Variants in CCDC88C observed in about 807,000 individuals in gnomAD.
CCDC88C encodes the protein coiled-coil and HOOK domain protein 88C, also known as protein Daple.
A neutral mutation model predicts 198.8 loss-of-function variants in CCDC88C; 131 were observed. The ratio of observed to expected loss-of-function variants is 0.66; its 90% confidence interval spans 0.57 to 0.76. The LOEUF (loss-of-function observed/expected upper bound fraction) is 0.76. CCDC88C is among the 30% of genes least tolerant of loss of function. CCDC88C has a pLI of 0.00. For missense variants in CCDC88C, 2,553 were observed against 2,631.6 expected, an observed-to-expected ratio of 0.97 and a Z score of 0.65; for synonymous variants, 1,166 against 1,114.7, an observed-to-expected ratio of 1.05 and a Z score of -0.92.
chr14:91,343,522 G>A, intron 5 of CCDC88C, 77 bp downstream of exon 5: 1 of 1,588,684 alleles, frequency 6.3e-7, no homozygotes, highest in East Asian at 2.3e-5. Flanking sequence ...CTAAGCTAAG[G>A]GCTCGGTCAA....
intron 3 of CCDC88C, chr14:91,379,516 G>A: frequency 2.4e-6 from 1 of 418,026 alleles, no homozygotes; most frequent in Non-Finnish European, 4.4e-6. Flanking sequence ...CACATGTGCT[G>A]TTGCAAGGTC....
chr14:91,274,416 G>A lies in CCDC88C; in HGVS notation c.5059-763C>T, dbSNP rs112660280. 2.3e-3 allele frequency among the ~76,000 whole-genome samples: 357 copies of A among 152,352 alleles called. 2 individuals carry two copies. Among genetic ancestry groups the A allele is most frequent in the African/African-American group, 8.3e-3 (346 of 41,586 alleles). On this transcript the variant is annotated intron_variant, in intron 29 of 29. Coordinates refer to ENST00000389857, the MANE Select transcript of CCDC88C (RefSeq NM_001080414.4). ...GAATAGGCAGAGCCACAGAGGCAAG[G>A]GTCTATGGCCCCACTCAGGAACTGC...
intron 21 of CCDC88C, among the ~76,000 whole-genome samples, chr14:91,298,391 G>C (rs548389416): frequency 6.6e-6 from 1 of 151,946 alleles, no homozygotes; most frequent in Non-Finnish European, 1.5e-5. Context: ...AAATGTTGCC[G>C]GGCATAGTGA....
At chr14:91,275,013 C>T (rs1021136914) in intron 29 of CCDC88C, among the ~76,000 whole-genome samples, 8 of 152,116 alleles carry the variant, frequency 5.3e-5, no homozygotes, top group Non-Finnish European at 1.0e-4. Context: ...CCTGCATCAT[C>T]GACGCCCAGA....
At chr14:91,409,793 T>C (rs1886707832) in intron 2 of CCDC88C, among the ~76,000 whole-genome samples, 1 of 152,186 alleles carries the variant, frequency 6.6e-6, no homozygotes. Context: ...GCCAAAATGG[T>C]ACATTTTCTG....
chr14:91,340,836 T>C (rs1476539471), intron 6 of CCDC88C, among the ~76,000 whole-genome samples: 1 of 152,076 alleles, frequency 6.6e-6, no homozygotes, highest in Non-Finnish European at 1.5e-5. Flanking sequence ...ACCCCATCTC[T>C]ACAAAAAATT....
At chr14:91,329,157 G>A (rs1003505459) in intron 10 of CCDC88C, among the ~76,000 whole-genome samples, 2 of 152,188 alleles carry the variant, frequency 1.3e-5, no homozygotes, top group East Asian at 1.9e-4. Flanking sequence ...GAACTTCACC[G>A]AAGACCTGCC....
chr14:91,330,754 C>T (rs1892789665), intron 10 of CCDC88C, among the ~76,000 whole-genome samples: 1 of 152,028 alleles, frequency 6.6e-6, no homozygotes, highest in African/African-American at 2.4e-5. Flanking sequence ...TCTGAACACA[C>T]TGGCCTTGAG....
intron 23 of CCDC88C, among the ~76,000 whole-genome samples, chr14:91,292,219 G>C (rs569272400): frequency 6.6e-6 from 1 of 152,202 alleles, no homozygotes; most frequent in Non-Finnish European, 1.5e-5. Flanking sequence ...CTGTGCTCAC[G>C]GCCGTGCTGC....
At chr14:91,346,455 A>T (rs1269815556) in intron 4 of CCDC88C, among the ~76,000 whole-genome samples, 1 of 151,660 alleles carries the variant, frequency 6.6e-6, no homozygotes, top group Non-Finnish European at 1.5e-5. Flanking sequence ...CAATATTTGA[A>T]ATGGAAAAAT....
At chr14:91,303,497 T>A (rs1596045948) in intron 20 of CCDC88C, among the ~76,000 whole-genome samples, 2 of 37,174 alleles carry the variant, frequency 5.4e-5, no homozygotes, top group Non-Finnish European at 1.0e-4. Context: ...GCTCCACCCC[T>A]CTCCCCAGGC....
intron 3 of CCDC88C, among the ~76,000 whole-genome samples, chr14:91,382,371 A>G (rs1405877923): frequency 6.6e-6 from 1 of 152,186 alleles, no homozygotes; most frequent in Non-Finnish European, 1.5e-5. Context: ...GGCGGGCCCC[A>G]TGACACAGCA....
intron 3 of CCDC88C, among the ~76,000 whole-genome samples, chr14:91,390,096 T>TA (rs373819677): frequency 3.2e-3 from 437 of 135,350 alleles, no homozygotes; most frequent in African/African-American, 8.9e-3. Context: ...AGAAAAAGGA[T>TA]AAAAAAAAAA....
intron 20 of CCDC88C, among the ~76,000 whole-genome samples, chr14:91,300,820 C>G (rs1041054486): frequency 6.6e-6 from 1 of 152,228 alleles, no homozygotes; most frequent in Non-Finnish European, 1.5e-5. Context: ...CCTTCCCAGC[C>G]TGTTTCAACC....
chr14:91,293,659 G>GT (rs907425880), intron 23 of CCDC88C, among the ~76,000 whole-genome samples: 21 of 148,150 alleles, frequency 1.4e-4, no homozygotes, highest in Non-Finnish European at 1.5e-4. Context: ...AACTCCCCCT[G>GT]TTTTTTTTCC....
chr14:91,388,376 C>T (rs1331243653), intron 3 of CCDC88C, among the ~76,000 whole-genome samples: 1 of 152,196 alleles, frequency 6.6e-6, no homozygotes. Context: ...TAGGCTGCCT[C>T]GGCCCAGCTT....
intron 4 of CCDC88C, among the ~76,000 whole-genome samples, chr14:91,347,740 T>G (rs1042410390): frequency 2.0e-5 from 3 of 152,238 alleles, no homozygotes; most frequent in African/African-American, 7.2e-5. Context: ...TTGGTGGGAC[T>G]GTAAACCAGT....
intron 3 of CCDC88C, among the ~76,000 whole-genome samples, chr14:91,406,859 C>T (rs539099620): frequency 6.6e-6 from 1 of 152,298 alleles, no homozygotes; most frequent in Admixed American, 6.5e-5. Context: ...AGTGTGGCTC[C>T]CCTTCAAATC....
At chr14:91,389,937 T>C (rs570712502) in intron 3 of CCDC88C, among the ~76,000 whole-genome samples, 137 of 151,906 alleles carry the variant, frequency 9.0e-4, no homozygotes, top group African/African-American at 3.2e-3. Flanking sequence ...CTGGGCGTGG[T>C]GGCGGGCGCC....
Sources: allele counts gnomAD v4.1 joint callset (sites outside exome capture counted in the v4.1 genomes callset), GRCh38; gene constraint gnomAD v4.1.1; transcripts MANE v1.5; gene names NCBI Gene and HGNC (gene_info 2026-07-23, HGNC 2026-07-21).